RARB: variants seen among roughly 807,000 people sequenced by gnomAD.
The protein encoded by RARB is HBV-activated protein.
RARB carries 17 observed loss-of-function variants against 51.9 expected under a neutral mutation model. The observed-to-expected ratio is 0.33, with a 90% CI of 0.22 to 0.49. RARB has a LOEUF of 0.49. Ranked by LOEUF, RARB falls within the 20% of genes least tolerant of loss-of-function variation. The pLI, the probability that RARB is intolerant of heterozygous loss-of-function variation, is 0.99. For synonymous variants in RARB, 215 were observed against 195.4 expected (o/e 1.10, Z -0.84); for missense variants, 369 against 550.8 (o/e 0.67, Z 3.30).
intron 2 of RARB, among the ~76,000 whole-genome samples, chr3:24,902,740 A>C (rs1703635103): frequency 6.6e-6 from 1 of 152,278 alleles, no homozygotes; most frequent in Admixed American, 6.5e-5. Context: ...AATGGAAAAA[A>C]AATGTTTCAT....
At chr3:25,583,053 G>A (rs1249635490) in intron 5 of RARB, among the ~76,000 whole-genome samples, 3 of 152,284 alleles carry the variant, frequency 2.0e-5, no homozygotes, top group Non-Finnish European at 4.4e-5. Flanking sequence ...GGGCCATGGG[G>A]GTGAGGAGTC....
At chr3:25,551,414 G>GT (rs528826511) in intron 3 of RARB, among the ~76,000 whole-genome samples, 117 of 152,308 alleles carry the variant, frequency 7.7e-4, no homozygotes, top group African/African-American at 2.7e-3. Context: ...TCAGACCCTG[G>GT]TAGATATACT....
At chr3:25,589,439 TGAACATTTTG>T (rs371393246) in intron 5 of RARB, among the ~76,000 whole-genome samples, 84 of 152,352 alleles carry the variant, frequency 5.5e-4, no homozygotes, top group African/African-American at 1.9e-3. Flanking sequence ...TCTCCTCTGA[TGAACATTTTG>T]GACAACATGC....
In RARB at chr3:25,019,158, C is replaced by T. The variant is rs145109374; in HGVS notation, c.-379-40967C>T. Among the ~76,000 whole-genome samples, 1,061 of 152,212 alleles carry T rather than the reference C, an allele frequency of 7.0e-3. 23 individuals carry two copies. Among genetic ancestry groups the T allele is most frequent in the African/African-American group, 0.024 (1,011 of 41,534 alleles). The stretch of plus-strand genomic sequence containing the variant: ...TGTCATACCTCATTTGAACACTTCA[C>T]CATAGCATCTGAGCTATGCTAGGGA... On this transcript the variant is annotated intron_variant, in intron 2 of 11. Coordinates refer to the RARB transcript ENST00000383772.
chr3:24,935,530 A>G (rs1695531286), intron 2 of RARB, among the ~76,000 whole-genome samples: 1 of 152,162 alleles, frequency 6.6e-6, no homozygotes, highest in South Asian at 2.1e-4. Context: ...AGTGGGCTTA[A>G]TTTTAAAAAT....
intron 3 of RARB, among the ~76,000 whole-genome samples, chr3:25,092,712 AGAGAAGTGT>A (rs1448823996): frequency 1.3e-5 from 2 of 152,068 alleles, no homozygotes; most frequent in Non-Finnish European, 2.9e-5. Flanking sequence ...GACGCCTCTG[AGAGAAGTGT>A]GTTGTCTTGC....
At chr3:25,156,452 T>C (rs138733423) in intron 4 of RARB, among the ~76,000 whole-genome samples, 418 of 147,710 alleles carry the variant, frequency 2.8e-3, no homozygotes, top group Non-Finnish European at 4.4e-3. Flanking sequence ...TAGTGAATGC[T>C]TTCTTGCTAT....
intron 5 of RARB, among the ~76,000 whole-genome samples, chr3:25,231,691 A>C (rs1368316060): frequency 6.6e-6 from 1 of 152,188 alleles, no homozygotes; most frequent in Non-Finnish European, 1.5e-5. Flanking sequence ...AAAATTGAGC[A>C]TGGTTTCATG....
At chr3:25,206,416 A>G (rs906525906) in intron 5 of RARB, among the ~76,000 whole-genome samples, 6 of 152,204 alleles carry the variant, frequency 3.9e-5, no homozygotes, top group Non-Finnish European at 7.3e-5. Context: ...GTAAATCACT[A>G]CTGCTTTACA....
At chr3:25,362,932 G>A (rs1042684837) in intron 5 of RARB, among the ~76,000 whole-genome samples, 2 of 152,076 alleles carry the variant, frequency 1.3e-5, no homozygotes, top group African/African-American at 4.8e-5. Context: ...TCTTGCCCAG[G>A]AACAGAGCTT....
At chr3:25,101,344 C>G (rs1699396951) in intron 3 of RARB, among the ~76,000 whole-genome samples, 1 of 152,118 alleles carries the variant, frequency 6.6e-6, no homozygotes, top group Non-Finnish European at 1.5e-5. Flanking sequence ...ACATGTACAT[C>G]AAAAAGTGAA....
At chr3:25,485,534 G>C (rs950610193) in intron 2 of RARB, among the ~76,000 whole-genome samples, 6 of 152,124 alleles carry the variant, frequency 3.9e-5, no homozygotes, top group Admixed American at 2.0e-4. Flanking sequence ...GCATTAAACA[G>C]TGTGAGACAA....
intron 3 of RARB, among the ~76,000 whole-genome samples, chr3:25,102,772 C>T (rs189723709): frequency 6.6e-6 from 1 of 152,250 alleles, no homozygotes; most frequent in Non-Finnish European, 1.5e-5. Context: ...CTGCTTCATG[C>T]TGGGCGCTGT....
intron 3 of RARB, among the ~76,000 whole-genome samples, chr3:25,081,445 G>A (rs556275786): frequency 6.7e-6 from 1 of 150,250 alleles, no homozygotes; most frequent in South Asian, 2.1e-4. Flanking sequence ...GATTGATAGT[G>A]CTGTTCAAAT....
At chr3:25,154,730 A>G (rs1375946003) in intron 4 of RARB, among the ~76,000 whole-genome samples, 1 of 152,052 alleles carries the variant, frequency 6.6e-6, no homozygotes, top group African/African-American at 2.4e-5. Flanking sequence ...CAGAGTTTAC[A>G]TTTTCTATAT....
At chr3:25,081,982 T>G (rs1699015326) in intron 3 of RARB, among the ~76,000 whole-genome samples, 1 of 152,018 alleles carries the variant, frequency 6.6e-6, no homozygotes, top group South Asian at 2.1e-4. Flanking sequence ...ACATTTAGGA[T>G]TTTTATATCT....
intron 4 of RARB, among the ~76,000 whole-genome samples, chr3:25,169,124 A>G (rs1332329830): frequency 6.6e-6 from 1 of 152,228 alleles, no homozygotes; most frequent in East Asian, 1.9e-4. Context: ...GAAGTGCAAC[A>G]CAAAAATATT....
At chr3:25,532,406 G>A (rs1698965620) in intron 3 of RARB, among the ~76,000 whole-genome samples, 1 of 152,176 alleles carries the variant, frequency 6.6e-6, no homozygotes. Flanking sequence ...CAGCAGAGGG[G>A]CAGGAGACGA....
At chr3:25,042,381 T>C (rs927881418) in intron 2 of RARB, among the ~76,000 whole-genome samples, 4 of 152,186 alleles carry the variant, frequency 2.6e-5, no homozygotes, top group African/African-American at 9.7e-5. Context: ...GCCAAGACTA[T>C]TGTCTCACTA....
Sources: gnomAD v4.1 joint callset for allele counts (sites outside exome capture counted in the v4.1 genomes callset) on GRCh38, gnomAD v4.1.1 for gene constraint, MANE v1.5 for transcripts, NCBI Gene and HGNC (gene_info 2026-07-23, HGNC 2026-07-21) for gene names.